Variants in MINDY4 observed in about 807,000 individuals in gnomAD.
MINDY4 encodes the protein probable ubiquitin carboxyl-terminal hydrolase MINDY-4.
Under a neutral mutation model 87.0 loss-of-function variants are expected in MINDY4, and 68 were observed. The observed-to-expected ratio is 0.78, with a 90% CI of 0.64 to 0.96. The LOEUF is 0.96. Among genes scored for constraint, MINDY4 ranks in the 40% least tolerant of loss-of-function variants. MINDY4 has a pLI of 0.00. For synonymous variants in MINDY4, 379 were observed against 363.2 expected, an observed-to-expected ratio of 1.04 and a Z score of -0.50; for missense variants, 919 against 928.2, an observed-to-expected ratio of 0.99 and a Z score of 0.13.
intron 10 of MINDY4, among the ~76,000 whole-genome samples, chr7:30,850,760 C>T (rs1789391032): frequency 6.6e-6 from 1 of 152,324 alleles, no homozygotes; most frequent in East Asian, 1.9e-4. Context: ...CTGCGATGCC[C>T]TCTCTGGGCT....
chr7:30,781,871 A>G (rs1787016280), intron 2 of MINDY4, 106 bp from the exon 3 acceptor site: 1 of 724,050 alleles, frequency 1.4e-6, no homozygotes, highest in South Asian at 1.9e-5. Context: ...TGTATGAATG[A>G]GTGAGAAGTT....
At chr7:30,869,508 C>T (rs7789533) in intron 13 of MINDY4, among the ~76,000 whole-genome samples, 17,094 of 152,034 alleles carry the variant, frequency 0.11, 2,249 homozygotes, top group African/African-American at 0.31. Flanking sequence ...GATCAAGGTG[C>T]CAGAGGGTTG....
At chr7:30,777,627 G>A (rs62446929) in intron 1 of MINDY4, among the ~76,000 whole-genome samples, 1 of 152,130 alleles carries the variant, frequency 6.6e-6, no homozygotes. Flanking sequence ...CAAAGGCTCT[G>A]GGAGAGGCTG....
At chr7:30,848,409 G>T (rs1336367812) in intron 9 of MINDY4, among the ~76,000 whole-genome samples, 2 of 152,212 alleles carry the variant, frequency 1.3e-5, no homozygotes, top group African/African-American at 4.8e-5. Context: ...GGAAGGGTGG[G>T]CATGAGGTAC....
In MINDY4 at chr7:30,817,007, A is replaced by G. The variant is rs188501454; in HGVS notation, c.1074-11672A>G. On this transcript the variant is annotated intron_variant, in intron 5 of 17. Coordinates refer to ENST00000265299, the MANE Select transcript of MINDY4 (RefSeq NM_032222.3). The stretch of plus-strand genomic sequence containing the variant: ...AGTTAGTGCACGCGATGACTTCTCG[A>G]TAACCCAACCCTTCATGAGACCTCA... 1.4e-3 allele frequency among the ~76,000 whole-genome samples: 208 copies of G among 152,350 alleles called. 1 individual carries two copies. Among genetic ancestry groups the G allele is most frequent in the African/African-American group, 4.5e-3 (189 of 41,578 alleles).
At chr7:30,889,171 G>A (rs6968404) in intron 17 of MINDY4, among the ~76,000 whole-genome samples, 43,973 of 152,060 alleles carry the variant, frequency 0.29, 9,723 homozygotes, top group African/African-American at 0.62. Context: ...TTCAATGCTT[G>A]CCCACAAATC....
At chr7:30,787,739 G>A (rs1207789230) in intron 4 of MINDY4, among the ~76,000 whole-genome samples, 1 of 152,166 alleles carries the variant, frequency 6.6e-6, no homozygotes, top group Non-Finnish European at 1.5e-5. Context: ...GGGAAGTTAG[G>A]TAACCCATCT....
chr7:30,872,389 C>A (rs1790133929), intron 14 of MINDY4, 83 bp downstream of exon 14: 1 of 1,324,090 alleles, frequency 7.6e-7, no homozygotes, highest in Non-Finnish European at 1.1e-6. Flanking sequence ...CCTCCTCTTG[C>A]CCCAGAAAAA....
chr7:30,784,560 C>T (rs761384868), intron 3 of MINDY4, among the ~76,000 whole-genome samples: 9 of 152,230 alleles, frequency 5.9e-5, no homozygotes, highest in Non-Finnish European at 1.2e-4. Flanking sequence ...TGCCGAAGGG[C>T]TTCAGACGTT....
Position 30,782,033 on chromosome 7 carries a change from T to C in MINDY4, c.240T>C (p.Asp80=). The C allele has an allele frequency of 6.2e-7, 1 of 1,614,106 alleles. No homozygotes were observed. The highest frequency in any genetic ancestry group is 8.5e-7 in the Non-Finnish European group (1 of 1,180,016). Residue 80 remains aspartate, a synonymous_variant, in exon 3 of 18, where the codon GAT becomes GAC. Transcript: ENST00000265299. ...SLELITRYFL[D]HFGNTANNFT... ...AACTCATCACCAGATACTTTCTGGATCACTTTGGAAATACGGCTAACAATT... is the reference window on the plus strand; with the variant it reads ...AACTCATCACCAGATACTTTCTGGACCACTTTGGAAATACGGCTAACAATT...
chr7:30,809,706 C>A (rs1204935153), intron 5 of MINDY4, among the ~76,000 whole-genome samples: 3 of 151,254 alleles, frequency 2.0e-5, no homozygotes. Context: ...ATAGTAACTT[C>A]TAATCTTGTG....
intron 17 of MINDY4, among the ~76,000 whole-genome samples, chr7:30,884,978 T>A (rs1446709324): frequency 1.3e-5 from 2 of 152,180 alleles, no homozygotes; most frequent in Admixed American, 6.5e-5. Flanking sequence ...ACAGTGAGGT[T>A]ATGTGGGAAG....
At chr7:30,830,272 T>C (rs1261024391) in intron 6 of MINDY4, among the ~76,000 whole-genome samples, 3 of 151,488 alleles carry the variant, frequency 2.0e-5, no homozygotes, top group Non-Finnish European at 4.4e-5. Flanking sequence ...TTTTGGAGGG[T>C]GGGGTGGGTA....
At chr7:30,883,799 T>C in intron 17 of MINDY4, among the ~76,000 whole-genome samples, 1 of 151,764 alleles carries the variant, frequency 6.6e-6, no homozygotes, top group East Asian at 1.9e-4. Context: ...GGGGGAGCAG[T>C]GGAACTGGTA....
At chr7:30,851,287 A>G (rs1028724424) in intron 10 of MINDY4, among the ~76,000 whole-genome samples, 3 of 152,184 alleles carry the variant, frequency 2.0e-5, no homozygotes, top group Non-Finnish European at 1.5e-5. Context: ...CAGACTCCCA[A>G]TGCTGTTGCT....
chr7:30,812,279 G>GT (rs5883258), intron 5 of MINDY4, among the ~76,000 whole-genome samples: 1 of 97,364 alleles, frequency 1.0e-5, no homozygotes, highest in Non-Finnish European at 1.9e-5. Context: ...TGAGGGGGGG[G>GT]GGGTATGTAT....
intron 9 of MINDY4, among the ~76,000 whole-genome samples, chr7:30,843,351 C>T (rs964272551): frequency 2.2e-4 from 33 of 152,092 alleles, no homozygotes; most frequent in Non-Finnish European, 4.0e-4. Context: ...AGTGGCAGGT[C>T]AGCGCCAGGC....
At chr7:30,809,225 C>T (rs1184597609) in intron 5 of MINDY4, among the ~76,000 whole-genome samples, 1 of 152,084 alleles carries the variant, frequency 6.6e-6, no homozygotes, top group Non-Finnish European at 1.5e-5. Context: ...TATCAAAATT[C>T]CTTAACCCAG....
chr7:30,830,368 G>A (rs58650093), intron 6 of MINDY4, among the ~76,000 whole-genome samples: 1,761 of 152,276 alleles, frequency 0.012, 35 homozygotes, highest in African/African-American at 0.04. Context: ...GCCAGGTTCT[G>A]TGATGGGTTT....
Sources: gnomAD v4.1 joint callset for allele counts (sites outside exome capture counted in the v4.1 genomes callset) on GRCh38, gnomAD v4.1.1 for gene constraint, MANE v1.5 for transcripts, NCBI Gene and HGNC (gene_info 2026-07-23, HGNC 2026-07-21) for gene names.